Variants in PRIM2 observed in about 807,000 individuals in gnomAD.
PRIM2 encodes DNA primase large subunit.
In PRIM2, 39 loss-of-function variants were observed where a neutral mutation model predicts 67.3. The observed-to-expected ratio is 0.58, with a 90% CI of 0.45 to 0.76. The LOEUF is 0.76. PRIM2 is among the 30% of genes least tolerant of loss of function. PRIM2 has a pLI of 0.00. For synonymous variants in PRIM2, 143 were observed against 198.7 expected, an observed-to-expected ratio of 0.72 and a Z score of 2.36; for missense variants, 398 against 598.7, an observed-to-expected ratio of 0.66 and a Z score of 3.50.
the PRIM2 span, among the ~76,000 whole-genome samples, chr6:57,268,667 T>C: frequency 6.6e-6 from 1 of 152,062 alleles, no homozygotes; most frequent in Non-Finnish European, 1.5e-5. Context: ...AGTTTTAGGG[T>C]ACATGTGCAC....
At chr6:57,369,684 G>A (rs1037684868) in intron 5 of PRIM2, among the ~76,000 whole-genome samples, 50 of 152,128 alleles carry the variant, frequency 3.3e-4, no homozygotes, top group African/African-American at 1.2e-3. Flanking sequence ...CCTCTTTTTA[G>A]GAGGATGTTT....
At chr6:57,548,221 C>G (rs1775328087) in intron 10 of PRIM2, among the ~76,000 whole-genome samples, 1 of 152,154 alleles carries the variant, frequency 6.6e-6, no homozygotes, top group Non-Finnish European at 1.5e-5. Flanking sequence ...CTGTTGAGAG[C>G]CTCCTTACTT....
intron 10 of PRIM2, among the ~76,000 whole-genome samples, chr6:57,560,970 G>T (rs1435893976): frequency 1.2e-4 from 18 of 152,058 alleles, no homozygotes; most frequent in Admixed American, 1.2e-3. Flanking sequence ...AGAAAGTTAG[G>T]GGCTAATTTG....
chr6:57,246,615 A>G, the PRIM2 span, among the ~76,000 whole-genome samples: 14 of 152,198 alleles, frequency 9.2e-5, no homozygotes, highest in Non-Finnish European at 1.5e-4. Flanking sequence ...AGCCTGTTTA[A>G]TAAATCCATG....
In PRIM2 at chr6:57,521,367, G is replaced by GTTTTTT. The variant is rs1163114437; in HGVS notation, c.762-11023_762-11018dup. Among the ~76,000 whole-genome samples the GTTTTTT allele has an allele frequency of 2.8e-3, 276 of 97,956 alleles. 5 individuals carry two copies. The highest frequency in any genetic ancestry group is 8.8e-3 in the African/African-American group (234 of 26,488). The allele number at this position is 97,956 out of a possible 152,430, so 64.3% of individuals were successfully genotyped here. On this transcript the variant is annotated intron_variant, in intron 8 of 13. Transcript: ENST00000615550. ...GAGTGGCTTAGTTTATGTGGTTAGG[G>GTTTTTT]TTTTTTTTTTTTTTTTTTTTTTTTT... is the stretch of plus-strand genomic sequence containing the variant.
chr6:57,618,382 A>G (rs1776790362), intron 12 of PRIM2, among the ~76,000 whole-genome samples: 1 of 152,240 alleles, frequency 6.6e-6, no homozygotes, highest in Non-Finnish European at 1.5e-5. Context: ...ACAGAGCAGC[A>G]TGTGGAGGCT....
chr6:57,642,474 G>A (rs1432207510), intron 13 of PRIM2, among the ~76,000 whole-genome samples: 10 of 96,266 alleles, frequency 1.0e-4, no homozygotes, highest in African/African-American at 2.9e-4. Context: ...ACGGAGTTTC[G>A]CTCTGTCGCC....
chr6:57,335,069 G>A (rs1329764100), intron 5 of PRIM2, among the ~76,000 whole-genome samples: 3 of 152,222 alleles, frequency 2.0e-5, no homozygotes, highest in South Asian at 2.1e-4. Context: ...GGGTCAGGGA[G>A]TTCCCTTTCC....
intron 7 of PRIM2, among the ~76,000 whole-genome samples, chr6:57,455,777 C>T (rs200703929): frequency 1.1e-4 from 17 of 152,276 alleles, no homozygotes; most frequent in African/African-American, 3.4e-4. Flanking sequence ...GAGCATTTAG[C>T]CCATTTACAT....
chr6:57,537,412 T>G, intron 9 of PRIM2, 28 bp from the exon 10 acceptor site: 2 of 1,244,316 alleles, frequency 1.6e-6, no homozygotes, highest in Non-Finnish European at 2.2e-6. Context: ...TCCACTTAAC[T>G]TAAAACTCTA....
chr6:57,521,874 C>G (rs1224094803), intron 8 of PRIM2, among the ~76,000 whole-genome samples: 1 of 151,676 alleles, frequency 6.6e-6, no homozygotes, highest in African/African-American at 2.4e-5. Context: ...GAGAAATACC[C>G]CCTGAGGATG....
At chr6:57,620,079 C>T (rs1189601404) in intron 12 of PRIM2, among the ~76,000 whole-genome samples, 1 of 152,008 alleles carries the variant, frequency 6.6e-6, no homozygotes, top group African/African-American at 2.4e-5. Flanking sequence ...AACTGTAGTC[C>T]CAGCTACTTG....
intron 8 of PRIM2, among the ~76,000 whole-genome samples, chr6:57,520,699 G>A (rs1204733928): frequency 2.0e-4 from 31 of 152,298 alleles, no homozygotes; most frequent in Admixed American, 1.6e-3. Context: ...AAAGGGTATA[G>A]TTCAATGTCT....
At chr6:57,312,808 A>C (rs928435228), upstream of PRIM2, among the ~76,000 whole-genome samples, 2 of 152,152 alleles carry the variant, frequency 1.3e-5, no homozygotes, top group African/African-American at 2.4e-5. Context: ...TATTTGTTTT[A>C]AATTCTTAAA....
At chr6:57,601,511 T>C (rs1776466773) in intron 11 of PRIM2, among the ~76,000 whole-genome samples, 1 of 152,252 alleles carries the variant, frequency 6.6e-6, no homozygotes, top group Non-Finnish European at 1.5e-5. Context: ...TCTTCTGCAG[T>C]GTTCTGCGAG....
intron 5 of PRIM2, among the ~76,000 whole-genome samples, chr6:57,342,068 C>T (rs556793233): frequency 6.6e-6 from 1 of 152,204 alleles, no homozygotes; most frequent in South Asian, 2.1e-4. Flanking sequence ...TTGTGTCCTT[C>T]GATGGAGAAA....
At chr6:57,341,795 A>G (rs1214229611) in intron 5 of PRIM2, among the ~76,000 whole-genome samples, 2 of 152,196 alleles carry the variant, frequency 1.3e-5, no homozygotes, top group Non-Finnish European at 2.9e-5. Context: ...TGCCTAAGTC[A>G]GGTGCTGCTG....
intron 13 of PRIM2, among the ~76,000 whole-genome samples, chr6:57,638,603 G>C (rs1274440768): frequency 8.0e-6 from 1 of 125,078 alleles, no homozygotes; most frequent in Admixed American, 8.3e-5. Context: ...AAAAAAAGCA[G>C]GGATTGCAAT....
At chr6:57,517,490 A>G (rs1774510452) in intron 8 of PRIM2, among the ~76,000 whole-genome samples, 1 of 152,200 alleles carries the variant, frequency 6.6e-6, no homozygotes, top group Non-Finnish European at 1.5e-5. Context: ...CATTTGAAAC[A>G]TGGCTAGTAC....
Sources: gnomAD v4.1 joint callset for allele counts (sites outside exome capture counted in the v4.1 genomes callset) on GRCh38, gnomAD v4.1.1 for gene constraint, MANE v1.5 for transcripts, NCBI Gene and HGNC (gene_info 2026-07-23, HGNC 2026-07-21) for gene names.